SNRPD3: variants seen among roughly 807,000 people sequenced by gnomAD.
SNRPD3 encodes the protein small nuclear ribonucleoprotein Sm D3.
For synonymous variants in SNRPD3, 66 were observed against 58.4 expected, an observed-to-expected ratio of 1.13 and a Z score of -0.59; for missense variants, 73 against 167.5, an observed-to-expected ratio of 0.44 and a Z score of 3.11.
rs547048689 is a variant in SNRPD3 at position 24,573,321 on chromosome 22, C to G, written c.*1344C>G. 2.0e-5 allele frequency among the ~76,000 whole-genome samples: 3 copies of G among 152,206 alleles called. No homozygotes were observed. The East Asian group carries it at 5.8e-4, about 29-fold the overall frequency. ...TCAAATCACCAAAAAGAGGTCTTGC[C>G]AGGTATTCATTATGGTATGAGCTAC... On this transcript the variant is annotated 3_prime_UTR_variant, in exon 4 of 4. Transcript: ENST00000215829.
chr22:24,565,611 CAG>C (rs1328457107), intron 2 of SNRPD3, among the ~76,000 whole-genome samples: 2 of 152,130 alleles, frequency 1.3e-5, no homozygotes, highest in Non-Finnish European at 1.5e-5. Flanking sequence ...GTGTCTTCTA[CAG>C]AGTCATGAGT....
intron 2 of SNRPD3, among the ~76,000 whole-genome samples, chr22:24,563,519 G>A (rs1177412603): frequency 2.6e-5 from 4 of 151,812 alleles, no homozygotes; most frequent in African/African-American, 9.7e-5. Flanking sequence ...ATGGCATGTT[G>A]GTCAAAATGC....
chr22:24,557,167 A>G (rs2045081764), intron 1 of SNRPD3, among the ~76,000 whole-genome samples: 2 of 152,072 alleles, frequency 1.3e-5, no homozygotes, highest in Non-Finnish European at 2.9e-5. Flanking sequence ...TTTTAATTCT[A>G]TTGTGTTTTA....
chr22:24,566,500 G>A (rs2045197897), intron 2 of SNRPD3, among the ~76,000 whole-genome samples: 1 of 152,058 alleles, frequency 6.6e-6, no homozygotes, highest in African/African-American at 2.4e-5. Flanking sequence ...GGGCTCAAGT[G>A]ATCCTCCCAC....
intron 2 of SNRPD3, among the ~76,000 whole-genome samples, chr22:24,561,076 T>C (rs868571339): frequency 1.8e-4 from 23 of 129,712 alleles, no homozygotes; most frequent in Middle Eastern, 3.7e-3. Flanking sequence ...TTTTTTTTTT[T>C]TTTTTTTTTT....
In SNRPD3 at chr22:24,572,185, G is replaced by T; in HGVS notation, c.*208G>T. On this transcript the variant is annotated 3_prime_UTR_variant, in exon 4 of 4. Coordinates refer to ENST00000215829, the MANE Select transcript of SNRPD3 (RefSeq NM_004175.5). ...AATAAGGACTTTGTGTTCATTTGAA[G>T]TTTGCTTTGGCTAAATTTTGACACC... 9.8e-7 allele frequency: 1 copy of T among 1,017,300 alleles called. No individual in the cohort carries two copies. 63.0% of individuals were successfully genotyped at this position (1,017,300 alleles called of 1,614,324 possible).
chr22:24,559,673 C>T (rs769421976), intron 2 of SNRPD3, among the ~76,000 whole-genome samples: 7 of 152,136 alleles, frequency 4.6e-5, no homozygotes, highest in African/African-American at 7.2e-5. Context: ...CCTCCTTCAT[C>T]CTCTGGTCCC....
At chr22:24,563,272 A>ATG (rs2045164700) in intron 2 of SNRPD3, among the ~76,000 whole-genome samples, 6 of 59,152 alleles carry the variant, frequency 1.0e-4, no homozygotes, top group Admixed American at 3.7e-4. Flanking sequence ...ATATGTATGT[A>ATG]TATATATGTG....
chr22:24,560,119 C>CCTTGCACTGTCACCCAGGCTGCAGT (rs2045119374), intron 2 of SNRPD3, among the ~76,000 whole-genome samples: 1 of 100,228 alleles, frequency 1.0e-5, no homozygotes, highest in African/African-American at 4.0e-5. Context: ...TGAGATGGAG[C>CCTTGCACTGTCACCCAGGCTGCAGT]CTTGCTCTGT....
In SNRPD3 at chr22:24,573,090, G is replaced by A. The variant is rs1475007455; in HGVS notation, c.*1113G>A. Among the ~76,000 whole-genome samples the A allele has an allele frequency of 1.3e-5, 2 of 152,082 alleles. No individual in the cohort carries two copies. The highest frequency in any genetic ancestry group is 2.9e-5 in the Non-Finnish European group (2 of 68,018). ...ATGGTGGTGCACACCTGTAGTCCTCGCTACTAGGGAGGCTGAGGTGGGAGG... is the reference window on the plus strand; with the variant it reads ...ATGGTGGTGCACACCTGTAGTCCTCACTACTAGGGAGGCTGAGGTGGGAGG... On this transcript the variant is annotated 3_prime_UTR_variant, in exon 4 of 4. Coordinates refer to ENST00000215829, the MANE Select transcript of SNRPD3 (RefSeq NM_004175.5).
At position 24,572,002 on chromosome 22, in the gene SNRPD3, TC is replaced by T; in HGVS notation, c.*27del. ...ATTTTCTAAGTTGAACAGAACTTTG[TC>T]CTTTTTTCTTTCAGGTTATCTGAGT... On this transcript the variant is annotated 3_prime_UTR_variant, in exon 4 of 4. Transcript: ENST00000215829. 6.2e-7 allele frequency: 1 copy of T among 1,613,494 alleles called. No individual in the cohort carries two copies. Among genetic ancestry groups the T allele is most frequent in the Non-Finnish European group, 8.5e-7 (1 of 1,179,522 alleles).
Position 24,574,733 on chromosome 22 carries a change from G to C in SNRPD3, c.*2756G>C, listed in dbSNP as rs1249698779. Among the ~76,000 whole-genome samples, 1 of 152,062 alleles carries C rather than the reference G, an allele frequency of 6.6e-6. No individual in the cohort carries two copies. Among genetic ancestry groups the C allele is most frequent in the African/African-American group, 2.4e-5 (1 of 41,390 alleles). On this transcript the variant is annotated 3_prime_UTR_variant, in exon 4 of 4. Transcript: ENST00000215829. ...ATTTTTGTATTTTTTGTAGAGACAG[G>C]GTTTTGCCATGTTGCCCAAGCTGGT...
intron 2 of SNRPD3, among the ~76,000 whole-genome samples, chr22:24,562,357 C>T (rs1178970069): frequency 2.6e-5 from 4 of 152,074 alleles, no homozygotes; most frequent in African/African-American, 9.7e-5. Context: ...CTGGCTAACA[C>T]GGTGAAACCC....
At chr22:24,568,370 C>T (rs2045215805) in intron 3 of SNRPD3, among the ~76,000 whole-genome samples, 194 bp downstream of exon 3, 1 of 151,986 alleles carries the variant, frequency 6.6e-6, no homozygotes, top group Non-Finnish European at 1.5e-5. Flanking sequence ...GAGACAGAGT[C>T]TCGCTTTGTC....
intron 2 of SNRPD3, chr22:24,558,128 G>T (rs1319898007): frequency 5.7e-5 from 10 of 176,876 alleles, no homozygotes; most frequent in Non-Finnish European, 1.1e-4. Flanking sequence ...TTATCCATTT[G>T]CCTCCACTTG....
intron 3 of SNRPD3, among the ~76,000 whole-genome samples, chr22:24,571,531 G>C (rs921511979): frequency 6.6e-6 from 1 of 152,134 alleles, no homozygotes; most frequent in Non-Finnish European, 1.5e-5. Context: ...CTGAGGTCAG[G>C]AGTTTAAGAC....
chr22:24,558,445 G>T (rs1402500566), intron 2 of SNRPD3, among the ~76,000 whole-genome samples: 2 of 152,188 alleles, frequency 1.3e-5, no homozygotes, highest in East Asian at 3.8e-4. Context: ...CACTGGTTAA[G>T]AACTTGGACT....
chr22:24,565,573 C>T (rs530026302), intron 2 of SNRPD3, among the ~76,000 whole-genome samples: 103 of 152,330 alleles, frequency 6.8e-4, no homozygotes, highest in Non-Finnish European at 1.3e-3. Context: ...AGAGCTGGAT[C>T]TCACCTATAG....
intron 2 of SNRPD3, among the ~76,000 whole-genome samples, chr22:24,558,984 G>C (rs1171487614): frequency 2.6e-5 from 4 of 152,170 alleles, no homozygotes; most frequent in Admixed American, 2.6e-4. Context: ...TGCCACAGGG[G>C]TAATATCCAC....
Sources: gnomAD v4.1 joint callset for allele counts (sites outside exome capture counted in the v4.1 genomes callset) on GRCh38, gnomAD v4.1.1 for gene constraint, MANE v1.5 for transcripts, NCBI Gene and HGNC (gene_info 2026-07-23, HGNC 2026-07-21) for gene names.